The following STK32B variants were observed in gnomAD, a reference collection of about 807,000 sequenced individuals.
STK32B encodes serine/threonine kinase 32B.
Under a neutral mutation model 52.6 loss-of-function variants are expected in STK32B, and 43 were observed. The observed-to-expected ratio is 0.82, with a 90% CI of 0.64 to 1.05. The LOEUF is 1.05. Ranked by LOEUF, STK32B falls within the 50% of genes least tolerant of loss-of-function variation. The probability of loss-of-function intolerance (pLI) is 0.00; values close to 1 mark genes in which losing one functional copy is unlikely to be tolerated. For missense variants in STK32B, 621 were observed against 534.6 expected (o/e 1.16, Z -1.59); for synonymous variants, 238 against 204.3 (o/e 1.17, Z -1.41).
intron 3 of STK32B, among the ~76,000 whole-genome samples, chr4:5,259,633 G>A (rs1448992322): frequency 1.3e-4 from 20 of 152,156 alleles, no homozygotes; most frequent in Admixed American, 1.3e-3. Flanking sequence ...TAAATGCTCA[G>A]TGAGTGTTAT....
chr4:5,094,683 T>C (rs1015359992), intron 1 of STK32B, among the ~76,000 whole-genome samples: 3 of 152,154 alleles, frequency 2.0e-5, no homozygotes, highest in Admixed American at 2.0e-4. Context: ...ACAATACTTA[T>C]AACATACAAA....
chr4:5,162,924 G>A (rs146769188), intron 2 of STK32B, among the ~76,000 whole-genome samples: 10 of 152,324 alleles, frequency 6.6e-5, no homozygotes, highest in African/African-American at 2.4e-4. Flanking sequence ...ATCAGTTTCA[G>A]CAGATCCCTC....
intron 3 of STK32B, among the ~76,000 whole-genome samples, chr4:5,180,383 T>G (rs1272653104): frequency 6.6e-6 from 1 of 152,212 alleles, no homozygotes. Flanking sequence ...ACCCTTATCC[T>G]ACCATTTTTG....
chr4:5,190,386 G>A (rs942126983), intron 3 of STK32B, among the ~76,000 whole-genome samples: 8 of 152,160 alleles, frequency 5.3e-5, no homozygotes, highest in Non-Finnish European at 2.9e-5. Context: ...TCTCCATTTT[G>A]CAGAGGAGAC....
chr4:5,350,583 T>C (rs1733762242), intron 4 of STK32B, among the ~76,000 whole-genome samples: 1 of 152,086 alleles, frequency 6.6e-6, no homozygotes, highest in Non-Finnish European at 1.5e-5. Flanking sequence ...GAACAAAGGA[T>C]ATACAAAATA....
At chr4:5,410,663 G>A (rs976339992) in intron 5 of STK32B, among the ~76,000 whole-genome samples, 2 of 152,106 alleles carry the variant, frequency 1.3e-5, no homozygotes, top group Non-Finnish European at 2.9e-5. Flanking sequence ...CACCACGTGG[G>A]GTTATTCCAT....
chr4:5,302,115 G>A (rs1328920314), intron 3 of STK32B, among the ~76,000 whole-genome samples: 5 of 150,252 alleles, frequency 3.3e-5, no homozygotes, highest in African/African-American at 1.2e-4. Context: ...GGTCACTTTG[G>A]GAATAACATT....
intron 1 of STK32B, among the ~76,000 whole-genome samples, chr4:5,103,086 G>C (rs995839121): frequency 1.1e-4 from 16 of 151,594 alleles, no homozygotes; most frequent in African/African-American, 3.6e-4. Context: ...GAAATTGTGA[G>C]ACCTCAGGTG....
At chr4:5,195,029 A>C (rs1214142691) in intron 3 of STK32B, among the ~76,000 whole-genome samples, 1 of 152,132 alleles carries the variant, frequency 6.6e-6, no homozygotes, top group Non-Finnish European at 1.5e-5. Context: ...GGATGGGGAC[A>C]CAGATCCAAA....
chr4:5,383,036 G>T (rs568571122), intron 4 of STK32B, among the ~76,000 whole-genome samples: 1 of 152,258 alleles, frequency 6.6e-6, no homozygotes, highest in South Asian at 2.1e-4. Flanking sequence ...TTAATTCACC[G>T]GAAAGGTCTC....
chr4:5,061,602 A>G (rs2108758600), intron 1 of STK32B, among the ~76,000 whole-genome samples: 1 of 152,306 alleles, frequency 6.6e-6, no homozygotes, highest in East Asian at 1.9e-4. Flanking sequence ...TCCTAGAAAG[A>G]TTTTCCTTCT....
chr4:5,028,257 A>G, the STK32B span, among the ~76,000 whole-genome samples: 16 of 152,192 alleles, frequency 1.1e-4, no homozygotes, highest in African/African-American at 3.4e-4. Context: ...CCTCAGGAGG[A>G]TCTGGGACTA....
chr4:5,250,559 C>A (rs59284344), intron 3 of STK32B, among the ~76,000 whole-genome samples: 1 of 152,080 alleles, frequency 6.6e-6, no homozygotes, highest in Non-Finnish European at 1.5e-5. Flanking sequence ...GTGATCCACC[C>A]GCCTCGGCCT....
chr4:5,444,344 G>A (rs1715155351), intron 6 of STK32B, among the ~76,000 whole-genome samples: 1 of 152,214 alleles, frequency 6.6e-6, no homozygotes, highest in Non-Finnish European at 1.5e-5. Context: ...GCAGTATTTG[G>A]GTGGGAGTGA....
intron 3 of STK32B, among the ~76,000 whole-genome samples, chr4:5,223,967 C>A (rs1287252266): frequency 2.0e-5 from 3 of 152,074 alleles, no homozygotes; most frequent in African/African-American, 7.2e-5. Flanking sequence ...TATACCTGTC[C>A]CACCATTGTA....
chr4:5,074,300 C>A (rs1268957490), intron 1 of STK32B, among the ~76,000 whole-genome samples: 1 of 151,754 alleles, frequency 6.6e-6, no homozygotes, highest in African/African-American at 2.4e-5. Flanking sequence ...TCTGTATTGT[C>A]CACCCTTCTC....
At chr4:5,037,150 C>T in the STK32B span, among the ~76,000 whole-genome samples, 1 of 152,074 alleles carries the variant, frequency 6.6e-6, no homozygotes, top group Non-Finnish European at 1.5e-5. Context: ...TGAGCAGCAC[C>T]CCTGGTTTCT....
intron 4 of STK32B, among the ~76,000 whole-genome samples, chr4:5,358,701 G>GCACACA (rs59614605): frequency 2.8e-5 from 3 of 106,736 alleles, no homozygotes; most frequent in South Asian, 2.8e-4. Flanking sequence ...TCACACACAT[G>GCACACA]CACACACACA....
rs936130438 is a variant in STK32B, at chr4:5,490,856, G to A, written c.1107-8089G>A. Among the ~76,000 whole-genome samples the A allele has an allele frequency of 1.2e-4, 18 of 152,248 alleles. No individual in the cohort carries two copies. In the East Asian group the frequency reaches 3.1e-3, roughly 26 times the overall value. On this transcript the variant is annotated intron_variant, in intron 11 of 11. Coordinates refer to ENST00000282908, the MANE Select transcript of STK32B (RefSeq NM_018401.3). ...TTTTGTTCTTGCGATAGTTTACTGA[G>A]AATGATGATTTCCAATTTCATCCAT...
Sources: allele counts gnomAD v4.1 joint callset (sites outside exome capture counted in the v4.1 genomes callset), GRCh38; gene constraint gnomAD v4.1.1; transcripts MANE v1.5; gene names NCBI Gene and HGNC (gene_info 2026-07-23, HGNC 2026-07-21).